GARIN1A: variants seen among roughly 807,000 people sequenced by gnomAD.
GARIN1A encodes Golgi-associated RAB2 interactor protein 1A.
the GARIN1A span, among the ~76,000 whole-genome samples, chr7:128,673,309 A>C: frequency 3.3e-5 from 5 of 152,284 alleles, no homozygotes; most frequent in African/African-American, 1.2e-4. Flanking sequence ...TCTATGTCAG[A>C]GAGCTTGGGC....
At chr7:128,705,185 T>A in the GARIN1A span, among the ~76,000 whole-genome samples, 1 of 152,240 alleles carries the variant, frequency 6.6e-6, no homozygotes, top group Non-Finnish European at 1.5e-5. Flanking sequence ...ATAAAGCTGC[T>A]AGAAACATTT....
At chr7:128,689,107 A>G in the GARIN1A span, among the ~76,000 whole-genome samples, 5 of 151,804 alleles carry the variant, frequency 3.3e-5, no homozygotes, top group African/African-American at 7.3e-5. Context: ...TCAGTGCTCA[A>G]TGTTGCCCAG....
At chr7:128,691,235 T>TGCCCCAGAATTCCCTTGGTTCCTGC in the GARIN1A span, 2 of 152,126 alleles carry the variant, frequency 1.3e-5, no homozygotes, top group Non-Finnish European at 2.9e-5. Context: ...GGAAGTTCTG[T>TGCCCCAGAATTCCCTTGGTTCCTGC]GCCCCAGAAT....
At chr7:128,698,021 A>T in the GARIN1A span, among the ~76,000 whole-genome samples, 1 of 152,334 alleles carries the variant, frequency 6.6e-6, no homozygotes, top group Admixed American at 6.5e-5. Flanking sequence ...AAGCATTTAC[A>T]TATTGACTTA....
the GARIN1A span, among the ~76,000 whole-genome samples, chr7:128,678,515 GTC>G: frequency 2.0e-5 from 3 of 152,012 alleles, no homozygotes; most frequent in Non-Finnish European, 4.4e-5. Flanking sequence ...TCATATGAGT[GTC>G]TGTAGTCTGG....
At chr7:128,675,645 C>T in the GARIN1A span, 1 of 1,611,086 alleles carries the variant, frequency 6.2e-7, no homozygotes. Context: ...CTGCTCCTTT[C>T]TGACCCATGT....
At chr7:128,706,431 C>T in the GARIN1A span, among the ~76,000 whole-genome samples, 1 of 152,112 alleles carries the variant, frequency 6.6e-6, no homozygotes, top group South Asian at 2.1e-4. Context: ...GCACACACAT[C>T]CATATATGCA....
the GARIN1A span, among the ~76,000 whole-genome samples, chr7:128,695,280 G>C: frequency 6.6e-6 from 1 of 152,190 alleles, no homozygotes; most frequent in African/African-American, 2.4e-5. The surrounding 1 kb of genome is among the most constrained non-coding windows in gnomAD (Gnocchi z 4.5). Flanking sequence ...GGCGCATGCT[G>C]TCCGGCTTTG....
the GARIN1A span, among the ~76,000 whole-genome samples, chr7:128,704,444 ACAGG>A: frequency 6.6e-6 from 1 of 151,892 alleles, no homozygotes; most frequent in Non-Finnish European, 1.5e-5. Context: ...AGCTGGGATT[ACAGG>A]CATGTGCCAC....
the GARIN1A span, among the ~76,000 whole-genome samples, chr7:128,698,945 A>G: frequency 6.6e-6 from 1 of 152,154 alleles, no homozygotes; most frequent in African/African-American, 2.4e-5. Flanking sequence ...GTTCCCTACC[A>G]TGGTCATGTC....
the GARIN1A span, among the ~76,000 whole-genome samples, chr7:128,691,945 C>A: frequency 3.9e-5 from 6 of 152,326 alleles, no homozygotes; most frequent in East Asian, 1.2e-3. Context: ...GAACATCACT[C>A]ATCTCCATGC....
At chr7:128,672,276 CCGTAAG>C in the GARIN1A span, 1 of 785,578 alleles carries the variant, frequency 1.3e-6, no homozygotes, top group Non-Finnish European at 2.0e-6. Flanking sequence ...GGTGGACAGC[CCGTAAG>C]TAAATGGGGA....
At chr7:128,695,605 A>T in the GARIN1A span, among the ~76,000 whole-genome samples, 1 of 151,710 alleles carries the variant, frequency 6.6e-6, no homozygotes, top group African/African-American at 2.4e-5. This position sits in a 1 kb window ranked among gnomAD's most constrained non-coding sequence, Gnocchi z 4.5. Context: ...CGGTGGTGTG[A>T]TCTCGCCTCA....
chr7:128,672,553 A>G, the GARIN1A span: 1 of 1,544,534 alleles, frequency 6.5e-7, no homozygotes, highest in Non-Finnish European at 8.8e-7. Flanking sequence ...TTATCCAGGT[A>G]CCCTCGTGGA....
chr7:128,699,650 CT>C, the GARIN1A span, among the ~76,000 whole-genome samples: 1 of 152,186 alleles, frequency 6.6e-6, no homozygotes, highest in Non-Finnish European at 1.5e-5. Context: ...CCATTTTTTA[CT>C]TATAAATTTC....
At chr7:128,678,619 C>T in the GARIN1A span, among the ~76,000 whole-genome samples, 1 of 151,984 alleles carries the variant, frequency 6.6e-6, no homozygotes, top group South Asian at 2.1e-4. Flanking sequence ...GCCTGCCCAA[C>T]ATGGTGAAAC....
the GARIN1A span, among the ~76,000 whole-genome samples, chr7:128,706,271 T>G: frequency 6.6e-6 from 1 of 152,154 alleles, no homozygotes; most frequent in Non-Finnish European, 1.5e-5. Context: ...GCCCCAATCT[T>G]GGAATCAGCC....
At chr7:128,681,889 C>G in the GARIN1A span, among the ~76,000 whole-genome samples, 9,979 of 147,998 alleles carry the variant, frequency 0.067, 705 homozygotes, top group East Asian at 0.23. Flanking sequence ...GCACCCCCCC[C>G]CACAACCCCC....
the GARIN1A span, chr7:128,675,747 G>A: frequency 6.2e-7 from 1 of 1,613,850 alleles, no homozygotes; most frequent in Non-Finnish European, 8.5e-7. Flanking sequence ...CACCTCCTCG[G>A]TGCCCTCCCT....
Sources: allele counts gnomAD v4.1 joint callset (sites outside exome capture counted in the v4.1 genomes callset), GRCh38; gene constraint gnomAD v4.1.1; non-coding constraint Gnocchi (gnomAD v3.1); transcripts MANE v1.5; gene names NCBI Gene and HGNC (gene_info 2026-07-23, HGNC 2026-07-21).